Variants in EXD3 observed in about 807,000 individuals in gnomAD.
EXD3 encodes exonuclease mut-7 homolog.
Under a neutral mutation model 98.0 loss-of-function variants are expected in EXD3, and 92 were observed. That is an observed-to-expected ratio of 0.94 (90% CI 0.79 to 1.12). The LOEUF is 1.12. Among genes scored for constraint, EXD3 ranks in the 50% most tolerant of loss-of-function variants. EXD3 has a pLI of 0.00. For missense variants in EXD3, 1,222 were observed against 1,191.6 expected (o/e 1.03, Z -0.38); for synonymous variants, 569 against 526.0 (o/e 1.08, Z -1.12).
intron 1 of EXD3, among the ~76,000 whole-genome samples, chr9:137,410,969 G>A (rs1387039750): frequency 6.6e-6 from 1 of 151,540 alleles, no homozygotes; most frequent in Admixed American, 6.6e-5. Context: ...CGTCTCAGGG[G>A]ACTGCAGGTG....
intron 17 of EXD3, among the ~76,000 whole-genome samples, chr9:137,336,119 G>A (rs1833340687): frequency 6.6e-6 from 1 of 152,046 alleles, no homozygotes; most frequent in Admixed American, 6.6e-5. Flanking sequence ...GTGATATAAT[G>A]GACACTGGAG....
At chr9:137,362,973 G>T (rs1001583211) in intron 7 of EXD3, among the ~76,000 whole-genome samples, 1 of 151,860 alleles carries the variant, frequency 6.6e-6, no homozygotes, top group Non-Finnish European at 1.5e-5. Flanking sequence ...ACCACACCCG[G>T]CTAATTTTTG....
chr9:137,338,855 T>C (rs1162974322), intron 17 of EXD3, among the ~76,000 whole-genome samples: 6 of 143,220 alleles, frequency 4.2e-5, no homozygotes, highest in African/African-American at 1.6e-4. Flanking sequence ...ATCGCGCCAC[T>C]GCACTCCAGC....
intron 16 of EXD3, 98 bp from the exon 17 acceptor site, chr9:137,348,336 C>A (rs1288132499): frequency 1.5e-6 from 2 of 1,295,940 alleles, no homozygotes; most frequent in African/African-American, 3.1e-5. Context: ...AGCACTCTGT[C>A]TCTGTTTTAT....
chr9:137,366,205 G>T (rs773743156), intron 7 of EXD3: 1 of 702,430 alleles, frequency 1.4e-6, no homozygotes, highest in Non-Finnish European at 2.6e-6. Context: ...AAAGCAGTAC[G>T]GTTGCCATGC....
chr9:137,390,735 G>A (rs1037124740), intron 2 of EXD3, among the ~76,000 whole-genome samples: 5 of 152,146 alleles, frequency 3.3e-5, no homozygotes, highest in Admixed American at 2.6e-4. Flanking sequence ...GTCACAGCCC[G>A]AGGTTTGGCT....
chr9:137,352,811 T>C, intron 10 of EXD3, 25 bp from the exon 11 acceptor site: 1 of 1,573,004 alleles, frequency 6.4e-7, no homozygotes, highest in African/African-American at 1.4e-5. Context: ...GCCGTGAGGA[T>C]GGAGATGGGG....
At chr9:137,374,246 C>G (rs1185973247) in intron 3 of EXD3, among the ~76,000 whole-genome samples, 1 of 152,240 alleles carries the variant, frequency 6.6e-6, no homozygotes, top group Non-Finnish European at 1.5e-5. Flanking sequence ...AGAATCTTAA[C>G]AGCTAAAGGG....
At position 137,351,055 on chromosome 9, in the gene EXD3, G is replaced by C. The variant is rs1181512432; in HGVS notation, c.1477C>G (p.Leu493Val). The change falls in exon 14 of 22, where the codon CTG becomes GTG. Residue 493 changes from leucine (L) to valine (V), a missense_variant. Coordinates refer to ENST00000340951, the MANE Select transcript of EXD3 (RefSeq NM_017820.5). ...GTGCCCACCTGTCTGTGCACCAGCA[G>C]CAGGTCCATGCCGCCCAGAATCTGC... ...EKQILGGMDLLLVHRQMRVAS... is the reference protein window; with the variant it reads ...EKQILGGMDLVLVHRQMRVAS... The C allele has an allele frequency of 6.4e-7, 1 of 1,566,860 alleles. No individual in the cohort carries two copies. The highest frequency in any genetic ancestry group is 8.6e-7 in the Non-Finnish European group (1 of 1,156,904).
chr9:137,351,868 T>C (rs1588323797), intron 12 of EXD3, among the ~76,000 whole-genome samples, 198 bp downstream of exon 12: 1 of 152,164 alleles, frequency 6.6e-6, no homozygotes, highest in Admixed American at 6.5e-5. Context: ...CAGCACTGGG[T>C]AAATGCCAGC....
Position 137,351,099 on chromosome 9 carries a change from GC to G in EXD3, c.1432del (p.Ala478ProfsTer38). Reference protein sequence around the residue: ...DLQKLGTSCPALAHVEKQILG... With the variant: ...DLQKLGTSCPXLAHVEKQILG... The stretch of plus-strand genomic sequence containing the variant: ...AATCTGCTTCTCCACATGGGCCAGG[GC>G]GGGGCAGGACGTGCCCAGTTTTTGC... On this transcript the variant is annotated frameshift_variant, in exon 14 of 22. Transcript: ENST00000340951. LOFTEE classifies it high-confidence loss of function. 1 of 1,584,792 alleles carries G rather than the reference GC, an allele frequency of 6.3e-7. No homozygotes were observed. The highest frequency in any genetic ancestry group is 1.2e-5 in the South Asian group (1 of 86,684).
chr9:137,375,983 T>C (rs1835878727), intron 3 of EXD3, among the ~76,000 whole-genome samples: 2 of 152,128 alleles, frequency 1.3e-5, no homozygotes, highest in Non-Finnish European at 2.9e-5. Context: ...ACTAAACGAT[T>C]GTTCACTTAT....
At chr9:137,404,860 T>TA (rs34702081) in intron 1 of EXD3, among the ~76,000 whole-genome samples, 63,073 of 147,092 alleles carry the variant, frequency 0.43, 13,903 homozygotes, top group African/African-American at 0.53. Flanking sequence ...AGCTCTGTCT[T>TA]AAAAAAAAAA....
chr9:137,384,338 A>G (rs1326394377), intron 2 of EXD3, among the ~76,000 whole-genome samples: 1 of 152,244 alleles, frequency 6.6e-6, no homozygotes, highest in Non-Finnish European at 1.5e-5. Flanking sequence ...GGAGAGTCCA[A>G]GGTTATGATT....
At chr9:137,328,485 A>ACTAATATACACTCAGATG (rs1336695260) in intron 17 of EXD3, among the ~76,000 whole-genome samples, 1 of 151,746 alleles carries the variant, frequency 6.6e-6, no homozygotes, top group Non-Finnish European at 1.5e-5. Flanking sequence ...AGTAAAAACA[A>ACTAATATACACTCAGATG]AAGTAAAAAC....
chr9:137,346,323 G>A (rs1833930862), intron 17 of EXD3, among the ~76,000 whole-genome samples: 1 of 148,440 alleles, frequency 6.7e-6, no homozygotes, highest in Non-Finnish European at 1.5e-5. Context: ...AAAACTATAT[G>A]GGTAAGATTA....
chr9:137,375,456 G>A (rs1835850908), intron 3 of EXD3, among the ~76,000 whole-genome samples: 1 of 152,074 alleles, frequency 6.6e-6, no homozygotes, highest in East Asian at 1.9e-4. Flanking sequence ...TCTAGCTCTA[G>A]CGAGTTCTAA....
chr9:137,349,291 G>T lies in EXD3; in HGVS notation c.1658-9C>A. 6.4e-7 allele frequency: 1 copy of T among 1,560,070 alleles called. No individual in the cohort carries two copies. Among genetic ancestry groups the T allele is most frequent in the Non-Finnish European group, 8.6e-7 (1 of 1,158,750 alleles). ...GCAGTAGGCGTCGGCAGCTGTGTGG[G>T]GAGTCGGCCTCAGCCTCCCGGGACA... On this transcript the variant is annotated splice_polypyrimidine_tract_variant and intron_variant, in intron 15 of 21. Coordinates refer to ENST00000340951, the MANE Select transcript of EXD3 (RefSeq NM_017820.5). This position sits in a 1 kb window ranked among gnomAD's most constrained non-coding sequence, Gnocchi z 7.4.
chr9:137,315,234 C>CCTCA (rs1395909129), intron 19 of EXD3, among the ~76,000 whole-genome samples: 7 of 152,230 alleles, frequency 4.6e-5, no homozygotes, highest in Non-Finnish European at 8.8e-5. Flanking sequence ...CCGTGAGGGG[C>CCTCA]CTCAGCCTTT....
Sources: allele counts gnomAD v4.1 joint callset (sites outside exome capture counted in the v4.1 genomes callset), GRCh38; gene constraint gnomAD v4.1.1; non-coding constraint Gnocchi (gnomAD v3.1); transcripts MANE v1.5; gene names NCBI Gene and HGNC (gene_info 2026-07-23, HGNC 2026-07-21).